Variants in TDRD7 observed in about 807,000 individuals in gnomAD.
TDRD7 encodes tudor domain containing 7, also known as tudor domain-containing protein 7.
A neutral mutation model predicts 109.8 loss-of-function variants in TDRD7; 47 were observed. The observed-to-expected ratio is 0.43, with a 90% CI of 0.34 to 0.55. TDRD7 has a LOEUF of 0.55. Ranked by LOEUF, TDRD7 falls within the 20% of genes least tolerant of loss-of-function variation. The pLI is 0.03. For synonymous variants in TDRD7, 424 were observed against 457.3 expected (o/e 0.93, Z 0.93); for missense variants, 1,164 against 1,319.2 (o/e 0.88, Z 1.82).
chr9:97,419,255 A>G (rs1179533992), intron 1 of TDRD7, among the ~76,000 whole-genome samples: 1 of 152,216 alleles, frequency 6.6e-6, no homozygotes, highest in African/African-American at 2.4e-5. Flanking sequence ...AGGGAAGAAG[A>G]GCACATAGAT....
intron 8 of TDRD7, among the ~76,000 whole-genome samples, 166 bp from the exon 9 acceptor site, chr9:97,470,392 C>T (rs866160701): frequency 1.3e-5 from 2 of 152,118 alleles, no homozygotes; most frequent in South Asian, 4.1e-4. Context: ...TCAGCTCCAG[C>T]CTTTCTCTTC....
chr9:97,462,803 C>G (rs1828748353), intron 7 of TDRD7, among the ~76,000 whole-genome samples: 1 of 152,214 alleles, frequency 6.6e-6, no homozygotes, highest in African/African-American at 2.4e-5. Context: ...CCATCTTCCC[C>G]CTATCTGTGC....
chr9:97,432,002 G>A (rs755612139), intron 3 of TDRD7, 23 bp from the exon 4 acceptor site: 7 of 1,609,308 alleles, frequency 4.3e-6, no homozygotes, highest in Admixed American at 3.3e-5. Context: ...AATTGATTTC[G>A]TTATGTATGC....
At chr9:97,493,366 A>G (rs1187455501) in intron 16 of TDRD7, among the ~76,000 whole-genome samples, 7 of 152,264 alleles carry the variant, frequency 4.6e-5, no homozygotes, top group African/African-American at 1.7e-4. Context: ...AAGTTCCGTG[A>G]TGCCCCCTAA....
chr9:97,486,758 C>T (rs1159291444), intron 15 of TDRD7, among the ~76,000 whole-genome samples: 1 of 152,158 alleles, frequency 6.6e-6, no homozygotes, highest in African/African-American at 2.4e-5. Context: ...GCTTGCCTCT[C>T]TCTTTCCATC....
At chr9:97,439,684 C>A (rs1309312160) in intron 5 of TDRD7, among the ~76,000 whole-genome samples, 2 of 152,134 alleles carry the variant, frequency 1.3e-5, no homozygotes, top group African/African-American at 4.8e-5. Flanking sequence ...ATTAAAAGTG[C>A]ATAAATATGG....
chr9:97,493,519 A>G (rs1263966900), intron 16 of TDRD7, among the ~76,000 whole-genome samples: 1 of 152,196 alleles, frequency 6.6e-6, no homozygotes, highest in African/African-American at 2.4e-5. Flanking sequence ...TCACAGGACC[A>G]CAGGACCGGG....
At chr9:97,457,747 T>C (rs978327494) in intron 6 of TDRD7, among the ~76,000 whole-genome samples, 2 of 152,040 alleles carry the variant, frequency 1.3e-5, no homozygotes, top group African/African-American at 2.4e-5. Context: ...TGCCCATCAG[T>C]GATAGACTAG....
intron 3 of TDRD7, 117 bp from the exon 4 acceptor site, chr9:97,431,908 C>T: frequency 1.0e-6 from 1 of 967,768 alleles, no homozygotes; most frequent in South Asian, 1.3e-5. Flanking sequence ...TCCTCGTGTT[C>T]TTACAAACTG....
intron 7 of TDRD7, among the ~76,000 whole-genome samples, chr9:97,461,641 TG>T (rs1202318750): frequency 5.3e-5 from 8 of 152,196 alleles, no homozygotes; most frequent in Middle Eastern, 3.2e-3. Context: ...GCAGAATACG[TG>T]GAAAATATAG....
intron 6 of TDRD7, among the ~76,000 whole-genome samples, chr9:97,454,045 C>G (rs1476221146): frequency 6.6e-6 from 1 of 152,086 alleles, no homozygotes; most frequent in Non-Finnish European, 1.5e-5. Context: ...ATCAAGTGGA[C>G]CTAATAGACA....
At chr9:97,426,029 G>T (rs905915975) in intron 1 of TDRD7, among the ~76,000 whole-genome samples, 3 of 152,102 alleles carry the variant, frequency 2.0e-5, no homozygotes, top group Non-Finnish European at 4.4e-5. Context: ...GTATCTAAAC[G>T]TAGAAAAGAT....
intron 6 of TDRD7, among the ~76,000 whole-genome samples, chr9:97,448,038 A>G (rs1006387973): frequency 6.6e-6 from 1 of 152,220 alleles, no homozygotes. Flanking sequence ...TGACTCATCT[A>G]AGATGGCAGA....
chr9:97,461,120 G>A (rs1301520307), intron 7 of TDRD7, among the ~76,000 whole-genome samples: 3 of 147,402 alleles, frequency 2.0e-5, no homozygotes, highest in Non-Finnish European at 4.5e-5. Context: ...CAGCCTGGGC[G>A]AAAGAGCAAG....
At chr9:97,457,778 A>G (rs538335586) in intron 6 of TDRD7, among the ~76,000 whole-genome samples, 1 of 152,348 alleles carries the variant, frequency 6.6e-6, no homozygotes, top group Non-Finnish European at 1.5e-5. Flanking sequence ...TGTGGTGCGT[A>G]CACACTATGG....
rs757235995 is a variant in TDRD7 at position 97,465,039 on chromosome 9, T to C, written c.1629+11T>C. ...GAGAACAAAATAAAGGCAAGCACTG[T>C]TTACTTTGTCATAGCATTATGGATA... On this transcript the variant is annotated intron_variant, in intron 8 of 16. Transcript: ENST00000355295. 5 of 1,612,188 alleles carry C rather than the reference T, an allele frequency of 3.1e-6. No individual in the cohort carries two copies. The highest frequency in any genetic ancestry group is 2.7e-5 in the African/African-American group (2 of 74,858).
chr9:97,436,336 TG>T (rs1358401444), intron 4 of TDRD7, among the ~76,000 whole-genome samples: 7 of 152,188 alleles, frequency 4.6e-5, no homozygotes, highest in African/African-American at 1.7e-4. Context: ...TTTATTTCCC[TG>T]ATTTTGATTC....
chr9:97,426,064 CA>C (rs938449736), intron 1 of TDRD7, among the ~76,000 whole-genome samples: 1 of 151,954 alleles, frequency 6.6e-6, no homozygotes, highest in African/African-American at 2.4e-5. Flanking sequence ...GTATATAAAA[CA>C]AAAAATGGCA....
At chr9:97,414,613 T>C (rs1827781884) in intron 1 of TDRD7, among the ~76,000 whole-genome samples, 1 of 152,204 alleles carries the variant, frequency 6.6e-6, no homozygotes, top group African/African-American at 2.4e-5. Flanking sequence ...GTATGTAGAC[T>C]TATGGAAATC....
Sources: allele counts gnomAD v4.1 joint callset (sites outside exome capture counted in the v4.1 genomes callset), GRCh38; gene constraint gnomAD v4.1.1; transcripts MANE v1.5; gene names NCBI Gene and HGNC (gene_info 2026-07-23, HGNC 2026-07-21).